CCDC34: variants seen among roughly 807,000 people sequenced by gnomAD.
The protein encoded by CCDC34 is coiled-coil domain containing 34, also known as coiled-coil domain-containing protein 34.
A neutral mutation model predicts 44.1 loss-of-function variants in CCDC34; 40 were observed. The ratio of observed to expected loss-of-function variants is 0.91; its 90% CI spans 0.70 to 1.18. The LOEUF is 1.18. Among genes scored for constraint, CCDC34 ranks in the 50% most tolerant of loss-of-function variants. CCDC34 has a pLI of 0.00. For synonymous variants in CCDC34, 159 were observed against 158.2 expected (o/e 1.01, Z -0.04); for missense variants, 466 against 452.3 (o/e 1.03, Z -0.28).
At chr11:27,350,267 G>A (rs1481129779) in intron 3 of CCDC34, 65 bp downstream of exon 3, 2 of 1,601,300 alleles carry the variant, frequency 1.2e-6, no homozygotes, top group Non-Finnish European at 8.5e-7. Flanking sequence ...AGGTAATGAA[G>A]TATAATAGGA....
Position 27,338,849 on chromosome 11 carries a change from A to C in CCDC34, c.1094T>G (p.Leu365Arg). 1 of 1,613,640 alleles carries C rather than the reference A, an allele frequency of 6.2e-7. No individual in the cohort carries two copies. Among genetic ancestry groups the C allele is most frequent in the Non-Finnish European group, 8.5e-7 (1 of 1,179,744 alleles). ...TCTTTGTATTCTGCACAGAGTTCCA[A>C]GGCAAAGATTGCTCCTGGCTTTATG... is the stretch of plus-strand genomic sequence containing the variant. ...VIHKARSNLC[L>R]GTLCRIQR is the part of the protein sequence containing the mutation. The change falls in exon 6 of 6, where the codon CTT becomes CGT. Residue 365 changes from leucine (L) to arginine (R), a missense_variant. Coordinates refer to ENST00000328697, the MANE Select transcript of CCDC34 (RefSeq NM_030771.2).
Position 27,338,828 on chromosome 11 carries a change from T to C in CCDC34, c.1115A>G (p.Gln372Arg). The change falls in exon 6 of 6, where the codon CAA becomes CGA. Residue 372 changes from glutamine (Q) to arginine (R), a missense_variant. Physicochemically the swap from Gln to Arg is conservative, Grantham distance 43. Transcript: ENST00000328697. The part of the protein sequence containing the change: ...NLCLGTLCRI[Q>R]R ...TGTTATTTTCCACATACGCTATCTT[T>C]GTATTCTGCACAGAGTTCCAAGGCA... is the stretch of plus-strand genomic sequence containing the variant. The C allele has an allele frequency of 6.2e-7, 1 of 1,610,888 alleles. No homozygotes were observed. The highest frequency in any genetic ancestry group is 8.5e-7 in the Non-Finnish European group (1 of 1,178,102).
At chr11:27,360,578 G>A (rs955050288) in intron 1 of CCDC34, among the ~76,000 whole-genome samples, 27 of 147,340 alleles carry the variant, frequency 1.8e-4, no homozygotes, top group African/African-American at 6.0e-4. Flanking sequence ...AACAATGAAA[G>A]GGCTGACTCA....
intron 3 of CCDC34, among the ~76,000 whole-genome samples, chr11:27,344,818 G>C (rs1303719754): frequency 1.3e-5 from 2 of 152,036 alleles, no homozygotes; most frequent in African/African-American, 4.8e-5. Context: ...TATTAGGACA[G>C]GCATTATTAG....
At chr11:27,360,383 A>G (rs1204887876) in intron 1 of CCDC34, among the ~76,000 whole-genome samples, 1 of 152,206 alleles carries the variant, frequency 6.6e-6, no homozygotes, top group Non-Finnish European at 1.5e-5. Flanking sequence ...GGCACTATTT[A>G]TACCAAAAAT....
Position 27,357,483 on chromosome 11 carries a change from T to C in CCDC34, c.418A>G (p.Ser140Gly). Residue 140 changes from serine (S) to glycine (G), a missense_variant, in exon 2 of 6, where the codon AGC (serine) becomes GGC (glycine). By Grantham distance (56) the Ser-to-Gly change is moderately conservative. Transcript: ENST00000328697. ...EEQKQVRLPE[S>G]RLTPWEVWFI... ...CACACCTCCCATGGTGTCAGGCGGC[T>C]TTCTGGTAAGCGCACCTGTTTCTGT... 1 of 1,614,148 alleles carries C rather than the reference T, an allele frequency of 6.2e-7. No homozygotes were observed. The highest frequency in any genetic ancestry group is 1.1e-5 in the South Asian group (1 of 91,084).
chr11:27,346,478 G>GGAAA (rs1862437115), intron 3 of CCDC34, among the ~76,000 whole-genome samples: 1 of 102,842 alleles, frequency 9.7e-6, no homozygotes, highest in Non-Finnish European at 1.9e-5. Flanking sequence ...GAGGAAAGAA[G>GGAAA]GAAGGAAGGA....
chr11:27,354,146 A>G (rs1030602601), intron 2 of CCDC34, among the ~76,000 whole-genome samples: 3 of 152,186 alleles, frequency 2.0e-5, no homozygotes, highest in African/African-American at 7.2e-5. Context: ...CCTATATGTT[A>G]GGATATCCCT....
chr11:27,357,790 C>A (rs1023057194), intron 1 of CCDC34, among the ~76,000 whole-genome samples: 21 of 152,164 alleles, frequency 1.4e-4, no homozygotes, highest in African/African-American at 4.8e-4. Context: ...TTATTTAAAA[C>A]CCCATTGGGA....
intron 3 of CCDC34, chr11:27,349,349 G>C (rs951296783): frequency 2.6e-5 from 23 of 893,282 alleles, no homozygotes; most frequent in Non-Finnish European, 2.9e-5. Context: ...AACAAATATG[G>C]TTATAACACA....
At chr11:27,350,135 G>T in intron 3 of CCDC34, 197 bp downstream of exon 3, 1 of 1,446,996 alleles carries the variant, frequency 6.9e-7, no homozygotes, top group Non-Finnish European at 9.1e-7. Context: ...GCCACAGGAG[G>T]GAAAAAGGAG....
At chr11:27,361,007 T>G (rs1162071717) in intron 1 of CCDC34, among the ~76,000 whole-genome samples, 5 of 152,206 alleles carry the variant, frequency 3.3e-5, no homozygotes, top group Non-Finnish European at 1.5e-5. Context: ...CTGAAGCATT[T>G]GACAATAATC....
At chr11:27,352,416 G>T (rs1456761004) in intron 2 of CCDC34, among the ~76,000 whole-genome samples, 4 of 148,280 alleles carry the variant, frequency 2.7e-5, no homozygotes, top group Non-Finnish European at 4.5e-5. Flanking sequence ...GGAAAAGAGG[G>T]TTTGGACTTA....
rs1269705762 is a variant in CCDC34 at position 27,357,507 on chromosome 11, GTTC to G, written c.391_393del (p.Glu131del). ...CTTTCTGGTAAGCGCACCTGTTTCT[GTTC>G]TTCTTGGTTATTTTCTGATTCAACC... On this transcript the variant is annotated inframe_deletion, in exon 2 of 6. Transcript: ENST00000328697. 5.0e-6 allele frequency: 8 copies of G among 1,613,926 alleles called. No homozygotes were observed. Among genetic ancestry groups the G allele is most frequent in the Middle Eastern group, 1.6e-4 (1 of 6,062 alleles).
intron 3 of CCDC34, among the ~76,000 whole-genome samples, chr11:27,346,005 G>A (rs1286121896): frequency 6.6e-6 from 1 of 152,030 alleles, no homozygotes; most frequent in Non-Finnish European, 1.5e-5. Flanking sequence ...GTATCTCATT[G>A]TGGTTTTGAT....
intron 3 of CCDC34, among the ~76,000 whole-genome samples, chr11:27,347,585 A>G (rs1862451446): frequency 6.6e-6 from 1 of 152,178 alleles, no homozygotes; most frequent in Non-Finnish European, 1.5e-5. Context: ...TAATACATGA[A>G]ATATCAGGAT....
intron 1 of CCDC34, among the ~76,000 whole-genome samples, chr11:27,359,891 C>A (rs982507928): frequency 6.6e-6 from 1 of 152,186 alleles, no homozygotes. Flanking sequence ...CTTGGGCTTC[C>A]TGTCACTTGC....
chr11:27,350,369 T>C lies in CCDC34; in HGVS notation c.569A>G (p.Glu190Gly), dbSNP rs1670980518. Reference protein sequence around the residue: ...EREKRKIIAEEKHKEWVQKKN... With the variant: ...EREKRKIIAEGKHKEWVQKKN... ...TTTCTGAACCCATTCCTTGTGCTTT[T>C]CTTCAGCAATTATCTTTCTTTTTTC... is the stretch of plus-strand genomic sequence containing the variant. Residue 190 changes from glutamate (E) to glycine (G), a missense_variant, in exon 3 of 6, where the codon GAA becomes GGA. Glu to Gly is a moderately conservative substitution (Grantham distance 98). Coordinates refer to ENST00000328697, the MANE Select transcript of CCDC34 (RefSeq NM_030771.2). 7.4e-6 allele frequency: 12 copies of C among 1,613,784 alleles called. No homozygotes were observed. Among genetic ancestry groups the C allele is most frequent in the Admixed American group, 1.7e-5 (1 of 59,978 alleles).
At position 27,342,837 on chromosome 11, in the gene CCDC34, C is replaced by A. The variant is rs1304836040; in HGVS notation, c.607-1287G>T. 2.6e-5 allele frequency among the ~76,000 whole-genome samples: 4 copies of A among 152,104 alleles called. No individual in the cohort carries two copies. The East Asian group carries it at 7.7e-4, about 29-fold the overall frequency. On this transcript the variant is annotated intron_variant, in intron 3 of 5. Coordinates refer to ENST00000328697, the MANE Select transcript of CCDC34 (RefSeq NM_030771.2). ...TCCTCCTTATTTAAATGATAATCTACCAACACAGCTAAATTCTAAATAACC... is the reference window on the plus strand; with the variant it reads ...TCCTCCTTATTTAAATGATAATCTAACAACACAGCTAAATTCTAAATAACC...
Sources: allele counts gnomAD v4.1 joint callset (sites outside exome capture counted in the v4.1 genomes callset), GRCh38; gene constraint gnomAD v4.1.1; transcripts MANE v1.5; gene names NCBI Gene and HGNC (gene_info 2026-07-23, HGNC 2026-07-21).